Variants in GTF2H1 observed in about 807,000 individuals in gnomAD.
GTF2H1 encodes the protein general transcription factor IIH subunit 1.
In GTF2H1, 16 loss-of-function variants were observed where a neutral mutation model predicts 71.2. The observed-to-expected ratio is 0.22, with a 90% confidence interval of 0.15 to 0.34. The LOEUF is 0.34. Among genes scored for constraint, GTF2H1 ranks in the 10% least tolerant of loss-of-function variants. GTF2H1 has a pLI of 1.00. For synonymous variants in GTF2H1, 215 were observed against 219.0 expected (o/e 0.98, Z 0.16); for missense variants, 498 against 648.2 (o/e 0.77, Z 2.52).
intron 2 of GTF2H1, among the ~76,000 whole-genome samples, chr11:18,334,522 G>A (rs993444420): frequency 2.0e-5 from 3 of 152,204 alleles, no homozygotes; most frequent in African/African-American, 7.2e-5. Flanking sequence ...ATAGCTTTGT[G>A]TAATACACAC....
In GTF2H1 at chr11:18,333,207, C is replaced by T. The variant is rs781375142; in HGVS notation, c.133C>T (p.His45Tyr). 171 of 1,611,978 alleles carry T rather than the reference C, an allele frequency of 1.1e-4. No homozygotes were observed. Among genetic ancestry groups the T allele is most frequent in the Non-Finnish European group, 1.4e-4 (169 of 1,178,858 alleles). Residue 45 changes from histidine to tyrosine, a missense_variant, in exon 2 of 15, where the codon CAT (histidine) becomes TAT (tyrosine). Physicochemically the swap from His to Tyr is moderately conservative, Grantham distance 83. This residue lies in a region of GTF2H1 where 216 missense variants were observed against 306.2 expected (regional missense o/e 0.71). Coordinates refer to ENST00000265963, the MANE Select transcript of GTF2H1 (RefSeq NM_005316.4). The stretch of plus-strand genomic sequence containing the variant: ...AGGCAAAGATAGATTTACAATCAGC[C>T]ATATGTATGCAGATATTAAATGTAA... ...PEGKDRFTIS[H>Y]MYADIKCQKI...
intron 1 of GTF2H1, among the ~76,000 whole-genome samples, chr11:18,329,246 A>C (rs1315968909): frequency 6.6e-6 from 1 of 152,190 alleles, no homozygotes; most frequent in Non-Finnish European, 1.5e-5. Context: ...GCGTTTGCAA[A>C]TGCCTACATA....
intron 14 of GTF2H1, among the ~76,000 whole-genome samples, chr11:18,362,027 G>C (rs1368483959): frequency 2.6e-5 from 4 of 152,186 alleles, no homozygotes; most frequent in African/African-American, 9.7e-5. Context: ...TAACCACAGG[G>C]ATGTGTTCTA....
chr11:18,346,925 A>G (rs1448836972), intron 7 of GTF2H1, among the ~76,000 whole-genome samples: 1 of 150,034 alleles, frequency 6.7e-6, no homozygotes, highest in East Asian at 2.0e-4. Context: ...TTTTTGATAG[A>G]GATGAGGTTT....
intron 2 of GTF2H1, among the ~76,000 whole-genome samples, chr11:18,333,846 G>A (rs1864959350): frequency 6.6e-6 from 1 of 152,158 alleles, no homozygotes; most frequent in African/African-American, 2.4e-5. Context: ...CACTAAAATT[G>A]TACCAGTTAG....
chr11:18,363,325 A>G (rs1565021898), intron 14 of GTF2H1, among the ~76,000 whole-genome samples: 4 of 152,222 alleles, frequency 2.6e-5, no homozygotes, highest in Middle Eastern at 3.2e-3. Context: ...GGTCCTATAC[A>G]TAATTGTACA....
intron 11 of GTF2H1, 37 bp downstream of exon 11, chr11:18,352,483 A>G (rs376157341): frequency 1.5e-5 from 12 of 811,048 alleles, no homozygotes; most frequent in Non-Finnish European, 2.4e-5. Flanking sequence ...CAGAATTCCC[A>G]TAGTTCCTTC....
At chr11:18,326,596 TTC>T (rs1196424589) in intron 1 of GTF2H1, among the ~76,000 whole-genome samples, 3 of 152,200 alleles carry the variant, frequency 2.0e-5, no homozygotes, top group Non-Finnish European at 4.4e-5. Flanking sequence ...ACTTTGCAGT[TTC>T]TGTCTTCATG....
chr11:18,347,951 C>T (rs769053122), intron 9 of GTF2H1, 32 bp downstream of exon 9: 14 of 1,359,748 alleles, frequency 1.0e-5, no homozygotes, highest in Non-Finnish European at 1.5e-5. Flanking sequence ...CCATTTGGGG[C>T]TCAAGTTTCT....
chr11:18,350,018 A>G (rs139242477), intron 9 of GTF2H1, among the ~76,000 whole-genome samples: 11 of 152,384 alleles, frequency 7.2e-5, no homozygotes, highest in Non-Finnish European at 1.3e-4. Flanking sequence ...ACTGAATGTG[A>G]ATCACTTTGA....
chr11:18,336,500 A>G (rs1366093107), intron 3 of GTF2H1, among the ~76,000 whole-genome samples: 2 of 152,144 alleles, frequency 1.3e-5, no homozygotes, highest in Non-Finnish European at 1.5e-5. Context: ...CTTGGTGTTT[A>G]GTTTTCAGCT....
intron 14 of GTF2H1, among the ~76,000 whole-genome samples, chr11:18,363,098 G>A (rs980753954): frequency 2.0e-5 from 3 of 151,800 alleles, no homozygotes; most frequent in Admixed American, 2.0e-4. Context: ...TCCACATCTT[G>A]TCCCACTGAA....
At chr11:18,347,432 A>G (rs1865319286) in intron 7 of GTF2H1, 156 bp from the exon 8 acceptor site, 1 of 561,478 alleles carries the variant, frequency 1.8e-6, no homozygotes, top group African/African-American at 1.9e-5. Context: ...TTATGTGCAT[A>G]ATGTCACTTG....
chr11:18,340,678 AATC>A (rs768250975), intron 5 of GTF2H1, among the ~76,000 whole-genome samples: 2 of 152,150 alleles, frequency 1.3e-5, no homozygotes, highest in African/African-American at 2.4e-5. Context: ...TAACTGATTT[AATC>A]ATCACGTAAA....
intron 10 of GTF2H1, 175 bp downstream of exon 10, chr11:18,352,144 T>C (rs1565015904): frequency 1.3e-5 from 8 of 626,338 alleles, no homozygotes; most frequent in Non-Finnish European, 2.3e-5. Context: ...TGACAATAAA[T>C]GTGGATCTTT....
chr11:18,341,732 G>A (rs1389658241), intron 7 of GTF2H1, 125 bp downstream of exon 7: 3 of 590,210 alleles, frequency 5.1e-6, no homozygotes, highest in Non-Finnish European at 5.9e-6. Flanking sequence ...GTTACTTGAA[G>A]TGATTTATCG....
chr11:18,340,827 A>G (rs989139122), intron 5 of GTF2H1, among the ~76,000 whole-genome samples: 5 of 152,308 alleles, frequency 3.3e-5, no homozygotes, highest in East Asian at 1.9e-4. Context: ...GAGCTCAGCA[A>G]ACAATGCTGT....
chr11:18,346,517 G>T (rs771086602), intron 7 of GTF2H1, among the ~76,000 whole-genome samples: 7 of 152,044 alleles, frequency 4.6e-5, no homozygotes, highest in Non-Finnish European at 1.0e-4. Context: ...CTATGGCATG[G>T]GGTCTTAATC....
intron 14 of GTF2H1, 91 bp downstream of exon 14, chr11:18,360,798 C>A (rs1865677440): frequency 9.1e-6 from 6 of 660,084 alleles, no homozygotes; most frequent in African/African-American, 1.9e-5. Flanking sequence ...TGAGTAGATA[C>A]TTAATTTTCT....
Sources: allele counts gnomAD v4.1 joint callset (sites outside exome capture counted in the v4.1 genomes callset), GRCh38; gene constraint gnomAD v4.1.1; regional missense constraint gnomAD v4.1.1; transcripts MANE v1.5; gene names NCBI Gene and HGNC (gene_info 2026-07-23, HGNC 2026-07-21).